Variants in DMD observed in about 807,000 individuals in gnomAD.
The protein encoded by DMD is dystrophin.
A neutral mutation model predicts 330.1 loss-of-function variants in DMD; 63 were observed. The observed-to-expected ratio is 0.19, with a 90% CI of 0.16 to 0.24. DMD has a LOEUF of 0.24. Ranked by LOEUF, DMD falls within the 10% of genes least tolerant of loss-of-function variation. The pLI is 1.00. For synonymous variants in DMD, 1,223 were observed against 959.8 expected, an observed-to-expected ratio of 1.27 and a Z score of -5.07; for missense variants, 3,344 against 2,684.1, an observed-to-expected ratio of 1.25 and a Z score of -5.43.
chrX:32,059,138 T>C (rs1022488022), intron 44 of DMD, among the ~76,000 whole-genome samples: 1 of 111,176 alleles, frequency 9.0e-6, no homozygotes, highest in Non-Finnish European at 1.9e-5. Flanking sequence ...CTATCAGGCA[T>C]GTAGGGTTAA....
At chrX:31,894,242 T>G (rs1164410587) in intron 47 of DMD, among the ~76,000 whole-genome samples, 1 of 112,183 alleles carries the variant, frequency 8.9e-6, no homozygotes, top group Non-Finnish European at 1.9e-5. Flanking sequence ...TTCCAGCCAT[T>G]TATTTACAGG....
chrX:32,449,772 G>A (rs1293086905), intron 26 of DMD, among the ~76,000 whole-genome samples: 2 of 109,962 alleles, frequency 1.8e-5, no homozygotes, highest in Non-Finnish European at 3.8e-5. Context: ...CATACACACT[G>A]TATCTTTAGT....
In DMD at chrX:32,897,853, C is replaced by T. The variant is rs148370625; in HGVS notation, c.94-48033G>A. Among the ~76,000 whole-genome samples, 407 of 91,562 alleles carry T rather than the reference C, an allele frequency of 4.4e-3. 2 individuals are homozygous for T. Among genetic ancestry groups the T allele is most frequent in the African/African-American group, 0.014 (369 of 27,152 alleles). 79.5% of individuals were successfully genotyped at this position (91,562 alleles called of 115,157 possible). A position where few individuals can be genotyped will look rare whatever the true frequency, so the allele number is the denominator to read the frequency against. On this transcript the variant is annotated intron_variant, in intron 2 of 78. Transcript: ENST00000357033. ...CCCCTCTGAACTTTTCTCCACTTTCCGCAGCAAATGGAAACGTAATGAGAA... is the reference window on the plus strand; with the variant it reads ...CCCCTCTGAACTTTTCTCCACTTTCTGCAGCAAATGGAAACGTAATGAGAA...
At chrX:33,019,568 A>G (rs2147749046) in intron 2 of DMD, among the ~76,000 whole-genome samples, 1 of 111,652 alleles carries the variant, frequency 9.0e-6, no homozygotes, top group African/African-American at 3.2e-5. Context: ...CTCTGTGTCC[A>G]CCTATAATCA....
chrX:32,926,049 A>G (rs1487543019), intron 2 of DMD, among the ~76,000 whole-genome samples: 1 of 112,307 alleles, frequency 8.9e-6, no homozygotes, highest in Admixed American at 9.5e-5. Context: ...TTCAACCTAA[A>G]TGTCCATCAA....
chrX:32,515,664 G>A (rs2045786600), intron 18 of DMD, among the ~76,000 whole-genome samples: 1 of 112,113 alleles, frequency 8.9e-6, no homozygotes, highest in African/African-American at 3.2e-5. Flanking sequence ...CTAAAAGAAT[G>A]TGAGAGGTAA....
intron 44 of DMD, among the ~76,000 whole-genome samples, chrX:32,162,246 C>T (rs991871800): frequency 1.3e-4 from 15 of 111,131 alleles, no homozygotes; most frequent in African/African-American, 6.6e-5. Context: ...GGGAGCGCTA[C>T]AGCTCAGGGT....
intron 62 of DMD, among the ~76,000 whole-genome samples, chrX:31,272,547 C>T (rs1163043962): frequency 8.9e-6 from 1 of 112,555 alleles, no homozygotes; most frequent in Non-Finnish European, 1.9e-5. Flanking sequence ...CTCTCTTCCT[C>T]TTCAGCTACA....
At chrX:33,078,211 ACT>A (rs1286164348) in intron 1 of DMD, among the ~76,000 whole-genome samples, 1 of 111,112 alleles carries the variant, frequency 9.0e-6, no homozygotes, top group Non-Finnish European at 1.9e-5. Flanking sequence ...TTGTACAGGG[ACT>A]CTGTGTGGAC....
chrX:32,561,162 T>C (rs931250453), intron 16 of DMD, among the ~76,000 whole-genome samples: 1 of 111,408 alleles, frequency 9.0e-6, no homozygotes, highest in East Asian at 2.8e-4. Context: ...CTAATATGGA[T>C]GAATTGAGAG....
At chrX:32,834,942 GGAAGACA>G (rs1489423753) in intron 4 of DMD, among the ~76,000 whole-genome samples, 1 of 111,196 alleles carries the variant, frequency 9.0e-6, no homozygotes, top group Non-Finnish European at 1.9e-5. Context: ...CTTGGAGAAA[GGAAGACA>G]GATCATAATA....
At chrX:32,642,602 G>C (rs975485543) in intron 11 of DMD, among the ~76,000 whole-genome samples, 15 of 111,974 alleles carry the variant, frequency 1.3e-4, no homozygotes, top group African/African-American at 4.9e-4. Context: ...CTTTTTAAAT[G>C]TTAGAATCAC....
intron 50 of DMD, among the ~76,000 whole-genome samples, chrX:31,813,538 G>A (rs1293448641): frequency 8.9e-6 from 1 of 111,901 alleles, no homozygotes; most frequent in Non-Finnish European, 1.9e-5. Context: ...CTCTTCCTTC[G>A]CCTTCTGCCA....
intron 1 of DMD, among the ~76,000 whole-genome samples, chrX:33,063,435 G>T (rs1335840165): frequency 1.8e-5 from 2 of 111,909 alleles, no homozygotes; most frequent in African/African-American, 6.5e-5. Flanking sequence ...AAAATGTTAA[G>T]TACTGAGGGT....
intron 45 of DMD, among the ~76,000 whole-genome samples, chrX:31,965,595 G>C (rs1219161166): frequency 9.0e-6 from 1 of 111,466 alleles, no homozygotes. Flanking sequence ...CCAGTGAAGA[G>C]CATGGCGCCC....
At chrX:31,143,386 C>T (rs1427282683) in intron 76 of DMD, among the ~76,000 whole-genome samples, 1 of 111,405 alleles carries the variant, frequency 9.0e-6, no homozygotes, top group Non-Finnish European at 1.9e-5. Flanking sequence ...TTCCCCTTCA[C>T]CTTCCCCCAT....
intron 2 of DMD, among the ~76,000 whole-genome samples, chrX:32,965,172 T>C (rs1050165391): frequency 2.7e-5 from 3 of 111,407 alleles, no homozygotes; most frequent in African/African-American, 9.8e-5. Context: ...TTGGGAAATA[T>C]AAAATGTATT....
chrX:31,755,033 G>C (rs756754455), intron 51 of DMD, among the ~76,000 whole-genome samples: 1 of 111,640 alleles, frequency 9.0e-6, no homozygotes, highest in South Asian at 3.7e-4. Flanking sequence ...ATATTCTGAT[G>C]TGCAGGAACT....
chrX:33,255,156 A>C (rs1400659331), intron 1 of DMD, among the ~76,000 whole-genome samples: 1 of 110,979 alleles, frequency 9.0e-6, no homozygotes, highest in Non-Finnish European at 1.9e-5. Flanking sequence ...TATCAAGAAA[A>C]ACTTAAGACA....
Sources: gnomAD v4.1 joint callset for allele counts (sites outside exome capture counted in the v4.1 genomes callset) on GRCh38, gnomAD v4.1.1 for gene constraint, MANE v1.5 for transcripts, NCBI Gene and HGNC (gene_info 2026-07-23, HGNC 2026-07-21) for gene names.